RERG: variants seen among roughly 807,000 people sequenced by gnomAD.
RERG encodes the protein ras-related and estrogen-regulated growth inhibitor.
RERG carries 25 observed loss-of-function variants against 23.2 expected under a neutral mutation model. The observed-to-expected ratio is 1.08, with a 90% confidence interval of 0.79 to 1.50. The LOEUF (loss-of-function observed/expected upper bound fraction) is 1.50, where lower values mean the gene tolerates loss of function less well. RERG is among the 40% of genes most tolerant of loss of function. RERG has a pLI of 0.00. For synonymous variants in RERG, 81 were observed against 89.1 expected, an observed-to-expected ratio of 0.91 and a Z score of 0.51; for missense variants, 253 against 250.1, an observed-to-expected ratio of 1.01 and a Z score of -0.08.
At chr12:15,204,255 A>G (rs1253066761) in intron 2 of RERG, among the ~76,000 whole-genome samples, 1 of 151,828 alleles carries the variant, frequency 6.6e-6, no homozygotes, top group Non-Finnish European at 1.5e-5. Flanking sequence ...AGAGCCCAGA[A>G]ATAAACCCAC....
At chr12:15,148,398 G>C (rs1864369385) in intron 2 of RERG, among the ~76,000 whole-genome samples, 1 of 152,148 alleles carries the variant, frequency 6.6e-6, no homozygotes, top group Non-Finnish European at 1.5e-5. Context: ...AGGTAGAAAT[G>C]CGGGGGGGAA....
intron 2 of RERG, among the ~76,000 whole-genome samples, chr12:15,146,493 ATAAGGTCGG>A (rs1864335184): frequency 2.0e-5 from 3 of 152,192 alleles, no homozygotes; most frequent in Admixed American, 6.5e-5. Context: ...TCCTTGCAAA[ATAAGGTCGG>A]TATTTTATTC....
chr12:15,133,307 C>T (rs1864087311), intron 2 of RERG, among the ~76,000 whole-genome samples: 1 of 151,786 alleles, frequency 6.6e-6, no homozygotes, highest in Non-Finnish European at 1.5e-5. Flanking sequence ...CATAGTGCTG[C>T]CTTTTCCAGA....
chr12:15,203,170 T>C (rs1311956594), intron 2 of RERG, among the ~76,000 whole-genome samples: 1 of 151,762 alleles, frequency 6.6e-6, no homozygotes, highest in Non-Finnish European at 1.5e-5. Flanking sequence ...ATTTAGACTT[T>C]TGTTTTTGTT....
intron 2 of RERG, among the ~76,000 whole-genome samples, chr12:15,216,565 C>T (rs1865443188): frequency 6.6e-6 from 1 of 152,154 alleles, no homozygotes. Flanking sequence ...AAACATGCAC[C>T]TACCAGATAT....
intron 2 of RERG, among the ~76,000 whole-genome samples, chr12:15,136,389 C>T (rs1212690368): frequency 6.6e-6 from 1 of 151,774 alleles, no homozygotes; most frequent in African/African-American, 2.4e-5. Flanking sequence ...TTTTCAGTTA[C>T]ATTGATTTCT....
intron 2 of RERG, among the ~76,000 whole-genome samples, chr12:15,197,307 T>C: frequency 6.6e-6 from 1 of 152,164 alleles, no homozygotes; most frequent in East Asian, 1.9e-4. Context: ...GAGAATCTCA[T>C]AAATCATAAA....
At position 15,109,526 on chromosome 12, in the gene RERG, A is replaced by G; in HGVS notation, c.193-9T>C. On this transcript the variant is annotated splice_polypyrimidine_tract_variant and intron_variant, in intron 4 of 4. Coordinates refer to ENST00000256953, the MANE Select transcript of RERG (RefSeq NM_032918.3). ...CTCTGAATGGTATCTTCCTGTTGGC[A>G]AAGAAAAATGGCCGTCAAGAGACCT... The G allele has an allele frequency of 6.4e-7, 1 of 1,566,346 alleles. No homozygotes were observed. Among genetic ancestry groups the G allele is most frequent in the African/African-American group, 1.4e-5 (1 of 73,340 alleles).
At position 15,108,585 on chromosome 12, in the gene RERG, CA is replaced by C. The variant is rs1863541552; in HGVS notation, c.*524del. On this transcript the variant is annotated 3_prime_UTR_variant, in exon 5 of 5. Coordinates refer to ENST00000256953, the MANE Select transcript of RERG (RefSeq NM_032918.3). ...GTGAGAAGATGCTTGAACTGAAGAA[CA>C]AAATAAAATTTTAAAGAAAACCTAG... 1 of 152,502 alleles carries C rather than the reference CA, an allele frequency of 6.6e-6. No homozygotes were observed. Among genetic ancestry groups the C allele is most frequent in the Admixed American group, 6.6e-5 (1 of 15,260 alleles). 9.4% of individuals were successfully genotyped at this position (152,502 alleles called of 1,614,324 possible).
intron 2 of RERG, among the ~76,000 whole-genome samples, chr12:15,215,939 G>T (rs1408846790): frequency 1.3e-5 from 2 of 152,080 alleles, no homozygotes; most frequent in African/African-American, 4.8e-5. Context: ...TTCTTAAATC[G>T]CATGTAGGTT....
intron 2 of RERG, among the ~76,000 whole-genome samples, chr12:15,164,618 T>C (rs1864660160): frequency 6.6e-6 from 1 of 152,234 alleles, no homozygotes; most frequent in Admixed American, 6.5e-5. Flanking sequence ...CAGAATTTTC[T>C]ATTAGTTGCC....
chr12:15,158,440 C>T (rs1197582928), intron 2 of RERG, among the ~76,000 whole-genome samples: 1 of 152,044 alleles, frequency 6.6e-6, no homozygotes, highest in Non-Finnish European at 1.5e-5. Flanking sequence ...CATCACCACA[C>T]CTGGCTAATT....
intron 2 of RERG, among the ~76,000 whole-genome samples, chr12:15,133,954 T>C (rs538799754): frequency 1.3e-5 from 2 of 152,286 alleles, no homozygotes; most frequent in East Asian, 3.8e-4. Context: ...GTTGACTTTT[T>C]TTCATTGTTG....
intron 2 of RERG, among the ~76,000 whole-genome samples, chr12:15,192,208 G>A (rs898826644): frequency 2.0e-5 from 3 of 152,066 alleles, no homozygotes; most frequent in Admixed American, 1.3e-4. Flanking sequence ...GCGGCATTTC[G>A]CTGTCTCTCT....
chr12:15,142,663 GATA>G (rs1864256959), intron 2 of RERG, among the ~76,000 whole-genome samples: 2 of 151,904 alleles, frequency 1.3e-5, no homozygotes, highest in Admixed American at 1.3e-4. Context: ...CATTTATCTG[GATA>G]ATAATAATAC....
chr12:15,217,558 C>T lies in RERG; in HGVS notation c.-69G>A. Reference sequence around the variant, plus strand: ...CTGAGTAAATCTTTTTGGTTCCAGTCTTTGGATTCACCATATCATTGTGAA... The same window carrying T: ...CTGAGTAAATCTTTTTGGTTCCAGTTTTTGGATTCACCATATCATTGTGAA... On this transcript the variant is annotated 5_prime_UTR_variant, in exon 2 of 5. Transcript: ENST00000256953. 9.1e-7 allele frequency: 1 copy of T among 1,095,958 alleles called. No homozygotes were observed. The highest frequency in any genetic ancestry group is 1.4e-6 in the Non-Finnish European group (1 of 708,612). The allele number at this position is 1,095,958 out of a possible 1,614,324, so 67.9% of individuals were successfully genotyped here.
At chr12:15,148,353 CAAGAAGGTGTGAATA>C (rs1458773868) in intron 2 of RERG, among the ~76,000 whole-genome samples, 1 of 151,664 alleles carries the variant, frequency 6.6e-6, no homozygotes, top group Non-Finnish European at 1.5e-5. Flanking sequence ...TGGAATAAAA[CAAGAAGGTGTGAATA>C]AAGAAGGTGC....
chr12:15,168,590 G>A (rs1864730263), intron 2 of RERG, among the ~76,000 whole-genome samples: 2 of 152,150 alleles, frequency 1.3e-5, no homozygotes. Flanking sequence ...TGTATTCTCT[G>A]TGATGGATTG....
intron 2 of RERG, among the ~76,000 whole-genome samples, chr12:15,212,042 CTTTTTT>C (rs772353150): frequency 8.8e-4 from 57 of 64,716 alleles, no homozygotes; most frequent in African/African-American, 1.9e-3. Context: ...CACGAATAAA[CTTTTTT>C]TTTTTTTTTT....
Sources: gnomAD v4.1 joint callset for allele counts (sites outside exome capture counted in the v4.1 genomes callset) on GRCh38, gnomAD v4.1.1 for gene constraint, MANE v1.5 for transcripts, NCBI Gene and HGNC (gene_info 2026-07-23, HGNC 2026-07-21) for gene names.